Variants in AP5S1 observed in about 807,000 individuals in gnomAD.
The protein encoded by AP5S1 is AP-5 complex subunit sigma-1.
A neutral mutation model predicts 13.9 loss-of-function variants in AP5S1; 13 were observed. The observed-to-expected ratio is 0.94, with a 90% CI of 0.61 to 1.49. The LOEUF (loss-of-function observed/expected upper bound fraction) is 1.49, where lower values mean the gene tolerates loss of function less well. Ranked by LOEUF, AP5S1 falls within the 40% of genes most tolerant of loss-of-function variation. The pLI is 0.00. For missense variants in AP5S1, 292 were observed against 272.3 expected (o/e 1.07, Z -0.51); for synonymous variants, 132 against 121.8 (o/e 1.08, Z -0.55).
chr20:3,827,155 G>A lies in AP5S1; in HGVS notation c.*2858G>A, dbSNP rs2089629331. On this transcript the variant is annotated 3_prime_UTR_variant, in exon 3 of 3. Transcript: ENST00000615891. ...GAGAACTAGAGACTTTGAGCAGCTA[G>A]TAGTGTTACCAGTGTACCTCCACAA... is the stretch of plus-strand genomic sequence containing the variant. 1 of 152,270 alleles carries A rather than the reference G, an allele frequency of 6.6e-6. No individual in the cohort carries two copies. Among genetic ancestry groups the A allele is most frequent in the African/African-American group, 2.4e-5 (1 of 41,446 alleles). 9.4% of individuals were successfully genotyped at this position (152,270 alleles called of 1,614,324 possible).
At position 3,824,125 on chromosome 20, in the gene AP5S1, G is replaced by A. The variant is rs1376813086; in HGVS notation, c.431G>A (p.Arg144His). 6 of 1,613,808 alleles carry A rather than the reference G, an allele frequency of 3.7e-6. No individual in the cohort carries two copies. Among genetic ancestry groups the A allele is most frequent in the East Asian group, 2.2e-5 (1 of 44,890 alleles). Reference sequence around the variant, plus strand: ...GAGGGCACGCTCCGGCTGCTGACACGCCTCCTCCTTGACCACCTCCGGCTG... The same window carrying A: ...GAGGGCACGCTCCGGCTGCTGACACACCTCCTCCTTGACCACCTCCGGCTG... ...LAEGTLRLLT[R>H]LLLDHLRLLA... The change falls in exon 3 of 3, where the codon CGC becomes CAC. Residue 144 changes from arginine to histidine, a missense_variant. Physicochemically the swap from Arg to His is conservative, Grantham distance 29. Coordinates refer to ENST00000615891, the MANE Select transcript of AP5S1 (RefSeq NM_018347.3).
chr20:3,824,471 C>T lies in AP5S1; in HGVS notation c.*174C>T. The T allele has an allele frequency of 1.5e-6, 1 of 675,864 alleles. No individual in the cohort carries two copies. Among genetic ancestry groups the T allele is most frequent in the Non-Finnish European group, 2.5e-6 (1 of 406,510 alleles). The allele number at this position is 675,864 out of a possible 1,614,324, so 41.9% of individuals were successfully genotyped here. A position where few individuals can be genotyped will look rare whatever the true frequency, so the allele number is the denominator to read the frequency against. On this transcript the variant is annotated 3_prime_UTR_variant, in exon 3 of 3. Coordinates refer to ENST00000615891, the MANE Select transcript of AP5S1 (RefSeq NM_018347.3). ...AGAGGGTGGAGGAGGTCCTGCCTGT[C>T]CTCAGGTTAGTGGAACCACAGAACT...
rs1422018306 is a variant in AP5S1, at chr20:3,825,875, C to A, written c.*1578C>A. On this transcript the variant is annotated 3_prime_UTR_variant, in exon 3 of 3. Transcript: ENST00000615891. ...TGGGCCTGCCTGCACCATGTTGAGT[C>A]CCAAAGGGATATGGGTGGGGTACCA... The A allele has an allele frequency of 6.7e-6, 1 of 148,366 alleles. No individual in the cohort carries two copies. The highest frequency in any genetic ancestry group is 1.5e-5 in the Non-Finnish European group (1 of 67,720). 9.2% of individuals were successfully genotyped at this position (148,366 alleles called of 1,614,324 possible).
rs1262184284 is a variant in AP5S1, at chr20:3,825,203, C to T, written c.*906C>T. On this transcript the variant is annotated 3_prime_UTR_variant, in exon 3 of 3. Transcript: ENST00000615891. ...AGATAAAGTCATCACAGCCTTCCCTCATCTGCAGGGAGAGAAGTTGCTGTC... is the reference window on the plus strand; with the variant it reads ...AGATAAAGTCATCACAGCCTTCCCTTATCTGCAGGGAGAGAAGTTGCTGTC... The T allele has an allele frequency of 1.3e-5, 2 of 152,264 alleles. No individual in the cohort carries two copies. Among genetic ancestry groups the T allele is most frequent in the Non-Finnish European group, 2.9e-5 (2 of 68,044 alleles). The allele number at this position is 152,264 out of a possible 1,614,324, so 9.4% of individuals were successfully genotyped here. A position where few individuals can be genotyped will look rare whatever the true frequency, so the allele number is the denominator to read the frequency against.
At position 3,828,353 on chromosome 20, in the gene AP5S1, G is replaced by A. The variant is rs184718909; in HGVS notation, c.*4056G>A. The A allele has an allele frequency of 1.2e-4, 18 of 152,338 alleles. No homozygotes were observed. The East Asian group carries it at 3.3e-3, about 28-fold the overall frequency. 9.4% of individuals were successfully genotyped at this position (152,338 alleles called of 1,614,324 possible). On this transcript the variant is annotated 3_prime_UTR_variant, in exon 3 of 3. Coordinates refer to ENST00000615891, the MANE Select transcript of AP5S1 (RefSeq NM_018347.3). ...ACCAGAGTGGTCATTTGTTACAACT[G>A]ATGGACCTTCATTGACACGTCACTA...
intron 2 of AP5S1, among the ~76,000 whole-genome samples, 166 bp downstream of exon 2, chr20:3,822,459 T>G (rs1439534380): frequency 1.3e-5 from 2 of 152,166 alleles, no homozygotes; most frequent in African/African-American, 4.8e-5. Flanking sequence ...AAGTGTTACG[T>G]GAAAAGGGTT....
At chr20:3,823,833 G>A in intron 2 of AP5S1, 38 bp from the exon 3 acceptor site, 1 of 1,572,610 alleles carries the variant, frequency 6.4e-7, no homozygotes, top group Non-Finnish European at 8.6e-7. Context: ...CAGAGTTGGT[G>A]TGTGAGCCCA....
intron 1 of AP5S1, among the ~76,000 whole-genome samples, chr20:3,821,171 G>A (rs1223966305): frequency 6.6e-6 from 1 of 152,142 alleles, no homozygotes; most frequent in Non-Finnish European, 1.5e-5. Context: ...GACCAAGTGA[G>A]TTAGTTGCAG....
In AP5S1 at chr20:3,825,760, C is replaced by T. The variant is rs1483553787; in HGVS notation, c.*1463C>T. Reference sequence around the variant, plus strand: ...GCGGCTGTGGGTGTTTGCCTACTGCCTTTAGTCAGTGGTTACAGGTTGATC... The same window carrying T: ...GCGGCTGTGGGTGTTTGCCTACTGCTTTTAGTCAGTGGTTACAGGTTGATC... On this transcript the variant is annotated 3_prime_UTR_variant, in exon 3 of 3. Transcript: ENST00000615891. 2.6e-5 allele frequency: 4 copies of T among 151,994 alleles called. No homozygotes were observed. The highest frequency in any genetic ancestry group is 4.4e-5 in the Non-Finnish European group (3 of 68,052). The allele number at this position is 151,994 out of a possible 1,614,324, so 9.4% of individuals were successfully genotyped here.
intron 2 of AP5S1, 197 bp from the exon 3 acceptor site, chr20:3,823,674 A>G (rs1173605832): frequency 1.0e-6 from 1 of 985,266 alleles, no homozygotes; most frequent in African/African-American, 1.7e-5. Context: ...TCTTGGCCAC[A>G]TGGAATAAAG....
rs1203292316 is a variant in AP5S1, at chr20:3,826,274, A to G, written c.*1977A>G. 6.6e-6 allele frequency: 1 copy of G among 152,138 alleles called. No homozygotes were observed. The highest frequency in any genetic ancestry group is 1.9e-4 in the East Asian group (1 of 5,184). 9.4% of individuals were successfully genotyped at this position (152,138 alleles called of 1,614,324 possible). ...TTTTATGGTGCCACAAACCACCTTG[A>G]CCATGAAGACCTAAAGGGATGTTAC... On this transcript the variant is annotated 3_prime_UTR_variant, in exon 3 of 3. Coordinates refer to ENST00000615891, the MANE Select transcript of AP5S1 (RefSeq NM_018347.3).
rs778657964 is a variant in AP5S1 at position 3,823,997 on chromosome 20, A to C, written c.303A>C (p.Ala101=). Residue 101 remains alanine, a synonymous_variant, in exon 3 of 3, where the codon GCA becomes GCC. Coordinates refer to ENST00000615891, the MANE Select transcript of AP5S1 (RefSeq NM_018347.3). ...CCCCACGTGGGGCTTTCCGCCTGGC[A>C]GCAGAGAACCCTTTCCAGGAGCCAC... ...HEAPRGAFRL[A]AENPFQEPRT... The C allele has an allele frequency of 1.2e-6, 2 of 1,613,232 alleles. No individual in the cohort carries two copies. Among genetic ancestry groups the C allele is most frequent in the South Asian group, 2.2e-5 (2 of 91,090 alleles).
intron 2 of AP5S1, among the ~76,000 whole-genome samples, chr20:3,823,011 C>G (rs1250804987): frequency 6.6e-6 from 1 of 151,116 alleles, no homozygotes; most frequent in East Asian, 1.9e-4. Flanking sequence ...CAACTCCTGC[C>G]TTTCCCTTGT....
chr20:3,828,836 A>T lies in AP5S1; in HGVS notation c.*4539A>T, dbSNP rs2089638391. On this transcript the variant is annotated 3_prime_UTR_variant, in exon 3 of 3. Coordinates refer to ENST00000615891, the MANE Select transcript of AP5S1 (RefSeq NM_018347.3). ...GCAATTATGAATACAACTGCTACAA[A>T]CATTTGTGTACAGGTTTTTGTGTGA... 1 of 152,236 alleles carries T rather than the reference A, an allele frequency of 6.6e-6. No homozygotes were observed. Among genetic ancestry groups the T allele is most frequent in the Admixed American group, 6.5e-5 (1 of 15,284 alleles). The allele number at this position is 152,236 out of a possible 1,614,324, so 9.4% of individuals were successfully genotyped here. A position where few individuals can be genotyped will look rare whatever the true frequency, so the allele number is the denominator to read the frequency against.
Position 3,828,760 on chromosome 20 carries a change from TA to T in AP5S1, c.*4464del, listed in dbSNP as rs1411857165. The T allele has an allele frequency of 2.0e-5, 3 of 152,388 alleles. No individual in the cohort carries two copies. The East Asian group carries it at 5.8e-4, about 29-fold the overall frequency. 9.4% of individuals were successfully genotyped at this position (152,388 alleles called of 1,614,324 possible). ...TGAATAGTATTCCATTATGTGGATGTACATTATCTGTTCACCTACTGAAGGA... is the reference window on the plus strand; with the variant it reads ...TGAATAGTATTCCATTATGTGGATGTCATTATCTGTTCACCTACTGAAGGA... On this transcript the variant is annotated 3_prime_UTR_variant, in exon 3 of 3. Transcript: ENST00000615891.
In AP5S1 at chr20:3,822,230, C is replaced by A; in HGVS notation, c.113C>A (p.Pro38Gln). 1 of 1,614,144 alleles carries A rather than the reference C, an allele frequency of 6.2e-7. No homozygotes were observed. Among genetic ancestry groups the A allele is most frequent in the Non-Finnish European group, 8.5e-7 (1 of 1,180,032 alleles). The change falls in exon 2 of 3, where the codon CCA (proline) becomes CAA (glutamine). Residue 38 changes from proline (P) to glutamine (Q), a missense_variant. Transcript: ENST00000615891. ...GGTGCTGAGAAGTCACCTGATGACC[C>A]ACGGCCGCATGGTGCCGAGAGGGAC... ...VFGAEKSPDD[P>Q]RPHGAERDRL...
chr20:3,821,985 TC>T (rs1568522160), intron 1 of AP5S1, 116 bp from the exon 2 acceptor site: 2 of 1,420,162 alleles, frequency 1.4e-6, no homozygotes, highest in Non-Finnish European at 1.8e-6. Flanking sequence ...TTCAAAGTGT[TC>T]AGCCTCACTG....
rs775017338 is a variant in AP5S1 at position 3,823,935 on chromosome 20, C to T, written c.241C>T (p.Pro81Ser). 19 of 1,606,056 alleles carry T rather than the reference C, an allele frequency of 1.2e-5. No homozygotes were observed. The highest frequency in any genetic ancestry group is 1.5e-5 in the Non-Finnish European group (18 of 1,179,932). The change falls in exon 3 of 3, where the codon CCG becomes TCG. Residue 81 changes from proline to serine, a missense_variant. By Grantham distance (74) the Pro-to-Ser change is moderately conservative. Transcript: ENST00000615891. The part of the protein sequence containing the change: ...ASGRPPMDLQ[P>S]QSSDEQVPLH... Reference sequence around the variant, plus strand: ...TGGCCGGCCCCCCATGGACCTGCAGCCGCAATCCTCAGATGAGCAAGTGCC... The same window carrying T: ...TGGCCGGCCCCCCATGGACCTGCAGTCGCAATCCTCAGATGAGCAAGTGCC...
chr20:3,822,964 C>T (rs1568522678), intron 2 of AP5S1, among the ~76,000 whole-genome samples: 2 of 152,302 alleles, frequency 1.3e-5, no homozygotes, highest in East Asian at 3.9e-4. Context: ...CCTCCGCATT[C>T]TGGGTGGGGT....
Sources: allele counts gnomAD v4.1 joint callset (sites outside exome capture counted in the v4.1 genomes callset), GRCh38; gene constraint gnomAD v4.1.1; transcripts MANE v1.5; gene names NCBI Gene and HGNC (gene_info 2026-07-23, HGNC 2026-07-21).